The following MYT1L variants were observed in gnomAD, a reference collection of about 807,000 sequenced individuals.
The protein encoded by MYT1L is myelin transcription factor 1-like protein.
In MYT1L, 12 loss-of-function variants were observed where a neutral mutation model predicts 126.7. The ratio of observed to expected loss-of-function variants is 0.09; its 90% CI spans 0.06 to 0.15. MYT1L has a LOEUF of 0.15. Ranked by LOEUF, MYT1L falls within the 10% of genes least tolerant of loss-of-function variation. The probability of loss-of-function intolerance (pLI) is 1.00; values close to 1 mark genes in which losing one functional copy is unlikely to be tolerated. For synonymous variants in MYT1L, 541 were observed against 604.2 expected, an observed-to-expected ratio of 0.90 and a Z score of 1.53; for missense variants, 979 against 1,585.2, an observed-to-expected ratio of 0.62 and a Z score of 6.49.
chr2:2,300,641 TA>T (rs2095768133), intron 1 of MYT1L, among the ~76,000 whole-genome samples: 1 of 152,218 alleles, frequency 6.6e-6, no homozygotes, highest in South Asian at 2.1e-4. Flanking sequence ...GGTGATGCTT[TA>T]AAAGAACTTT....
intron 22 of MYT1L, among the ~76,000 whole-genome samples, chr2:1,803,859 T>A (rs79138844): frequency 0.043 from 6,583 of 151,920 alleles, 194 homozygotes; most frequent in South Asian, 0.1. Flanking sequence ...AGGACGAGGG[T>A]ATGTGGAAGA....
intron 21 of MYT1L, among the ~76,000 whole-genome samples, chr2:1,824,003 C>T (rs1017945728): frequency 2.6e-5 from 4 of 152,192 alleles, no homozygotes; most frequent in East Asian, 3.9e-4. Context: ...GCGCCTCCCC[C>T]CCCAGCGGGG....
At chr2:2,211,353 C>A (rs1368521020) in intron 2 of MYT1L, among the ~76,000 whole-genome samples, 1 of 152,084 alleles carries the variant, frequency 6.6e-6, no homozygotes, top group Non-Finnish European at 1.5e-5. Flanking sequence ...GTAATTCTTT[C>A]TTACTAATTG....
At chr2:2,315,325 C>A (rs2096047937) in intron 1 of MYT1L, among the ~76,000 whole-genome samples, 1 of 133,064 alleles carries the variant, frequency 7.5e-6, no homozygotes, top group African/African-American at 2.6e-5. Context: ...TTGTCGGCAG[C>A]CAAAGTAAGC....
intron 3 of MYT1L, among the ~76,000 whole-genome samples, chr2:2,169,941 G>T (rs1285107982): frequency 6.6e-6 from 1 of 152,218 alleles, no homozygotes; most frequent in Non-Finnish European, 1.5e-5. Context: ...GTCAGACAGG[G>T]TGATACAGGC....
intron 4 of MYT1L, among the ~76,000 whole-genome samples, chr2:2,003,942 A>T (rs376392981): frequency 1.8e-4 from 27 of 148,846 alleles, no homozygotes; most frequent in Non-Finnish European, 2.5e-4. Flanking sequence ...TTCCTGCATG[A>T]GTTCTTTCCT....
intron 2 of MYT1L, among the ~76,000 whole-genome samples, chr2:2,247,938 A>C (rs1374008640): frequency 6.6e-6 from 1 of 152,154 alleles, no homozygotes; most frequent in East Asian, 1.9e-4. Context: ...GAAAAAGAAG[A>C]AAAACTTCAA....
chr2:2,248,280 A>G (rs1189976975), intron 2 of MYT1L, among the ~76,000 whole-genome samples: 1 of 152,158 alleles, frequency 6.6e-6, no homozygotes, highest in Non-Finnish European at 1.5e-5. Context: ...GAAAATCTAG[A>G]AGAAGTTGAT....
At chr2:2,236,070 A>G (rs2094290660) in intron 2 of MYT1L, among the ~76,000 whole-genome samples, 1 of 152,048 alleles carries the variant, frequency 6.6e-6, no homozygotes, top group African/African-American at 2.4e-5. Flanking sequence ...AACCCATTAC[A>G]TCCCAACCCA....
At chr2:1,804,018 C>T (rs944792846) in intron 22 of MYT1L, among the ~76,000 whole-genome samples, 3 of 152,206 alleles carry the variant, frequency 2.0e-5, no homozygotes, top group Non-Finnish European at 4.4e-5. Context: ...ATCCCTGCAG[C>T]AGGGCAGTGA....
chr2:2,309,652 C>T (rs1270632372), intron 1 of MYT1L, among the ~76,000 whole-genome samples: 1 of 151,964 alleles, frequency 6.6e-6, no homozygotes, highest in Non-Finnish European at 1.5e-5. Context: ...CCATACTCCA[C>T]CTGTACTTCA....
intron 2 of MYT1L, among the ~76,000 whole-genome samples, chr2:2,179,600 A>C (rs2091193386): frequency 6.6e-6 from 1 of 152,216 alleles, no homozygotes; most frequent in Non-Finnish European, 1.5e-5. Flanking sequence ...AAGGAGGTAG[A>C]ATTATGCCTG....
At chr2:2,245,513 T>A (rs1161542214) in intron 2 of MYT1L, among the ~76,000 whole-genome samples, 1 of 152,096 alleles carries the variant, frequency 6.6e-6, no homozygotes, top group Non-Finnish European at 1.5e-5. Context: ...CTTCTACAAC[T>A]CATTCAAAGT....
intron 2 of MYT1L, among the ~76,000 whole-genome samples, chr2:2,272,863 A>G (rs2095290208): frequency 6.6e-6 from 1 of 152,086 alleles, no homozygotes; most frequent in Admixed American, 6.5e-5. Flanking sequence ...TGGGTCAGGA[A>G]ATCCTGCTGG....
chr2:2,304,726 A>G (rs542808242), intron 1 of MYT1L, among the ~76,000 whole-genome samples: 1 of 152,218 alleles, frequency 6.6e-6, no homozygotes, highest in South Asian at 2.1e-4. Context: ...CTTTACAAAA[A>G]CAGCAAGTTG....
chr2:2,272,318 G>A (rs898373620), intron 2 of MYT1L, among the ~76,000 whole-genome samples: 1 of 152,110 alleles, frequency 6.6e-6, no homozygotes, highest in African/African-American at 2.4e-5. Context: ...ATGTTCTCTG[G>A]GCCTCTAGGA....
chr2:1,884,005 G>A (rs988882052), intron 18 of MYT1L: 1 of 152,232 alleles, frequency 6.6e-6, no homozygotes, highest in African/African-American at 2.4e-5. Context: ...ACCAGGCAAA[G>A]TGTTATCTCA....
chr2:2,309,247 T>C (rs1234764329), intron 1 of MYT1L, among the ~76,000 whole-genome samples: 1 of 151,260 alleles, frequency 6.6e-6, no homozygotes, highest in East Asian at 2.0e-4. Flanking sequence ...ACCTAAACTT[T>C]ACTGTTCTCT....
At chr2:2,173,408 C>A (rs1207931144) in intron 2 of MYT1L, among the ~76,000 whole-genome samples, 1 of 152,206 alleles carries the variant, frequency 6.6e-6, no homozygotes, top group Non-Finnish European at 1.5e-5. Flanking sequence ...AATAGAATTT[C>A]ATTCATAAGA....
Sources: gnomAD v4.1 joint callset for allele counts (sites outside exome capture counted in the v4.1 genomes callset) on GRCh38, gnomAD v4.1.1 for gene constraint, MANE v1.5 for transcripts, NCBI Gene and HGNC (gene_info 2026-07-23, HGNC 2026-07-21) for gene names.